Variants in ATF6 observed in about 807,000 individuals in gnomAD.
ATF6 encodes the protein cyclic AMP-dependent transcription factor ATF-6 alpha.
A neutral mutation model predicts 83.6 loss-of-function variants in ATF6; 53 were observed. That is an observed-to-expected ratio of 0.63 (90% CI 0.51 to 0.80). ATF6 has a LOEUF of 0.80. Ranked by LOEUF, ATF6 falls within the 30% of genes least tolerant of loss-of-function variation. ATF6 has a pLI of 0.00. For missense variants in ATF6, 744 were observed against 797.9 expected (o/e 0.93, Z 0.81); for synonymous variants, 288 against 285.8 (o/e 1.01, Z -0.08).
chr1:161,766,409 C>T lies in ATF6; in HGVS notation c.49C>T (p.Pro17Ser), dbSNP rs1684262755. The change falls in exon 1 of 16, where the codon CCG becomes TCG. Residue 17 changes from proline to serine, a missense_variant. Physicochemically the swap from Pro to Ser is moderately conservative, Grantham distance 74. Transcript: ENST00000367942. Reference sequence around the variant, plus strand: ...CGGCACCATGGAGTCACCTTTTAGCCCGGGACTCTTTCACAGGCTGGATGA... The same window carrying T: ...CGGCACCATGGAGTCACCTTTTAGCTCGGGACTCTTTCACAGGCTGGATGA... ...VAGTMESPFS[P>S]GLFHRLDEDW... 2 of 1,613,328 alleles carry T rather than the reference C, an allele frequency of 1.2e-6. No individual in the cohort carries two copies. Among genetic ancestry groups the T allele is most frequent in the Non-Finnish European group, 8.5e-7 (1 of 1,179,718 alleles).
intron 15 of ATF6, among the ~76,000 whole-genome samples, chr1:161,954,950 T>C (rs1688936406): frequency 1.3e-5 from 2 of 152,218 alleles, no homozygotes; most frequent in African/African-American, 4.8e-5. Context: ...CTTTAATGTT[T>C]TGACTCCCGT....
chr1:161,926,285 C>A (rs946729275), intron 15 of ATF6, among the ~76,000 whole-genome samples: 1 of 152,292 alleles, frequency 6.6e-6, no homozygotes, highest in African/African-American at 2.4e-5. Context: ...CAAAACCTAG[C>A]AGCTGAAAGA....
chr1:161,929,551 A>G (rs897632724), intron 15 of ATF6, among the ~76,000 whole-genome samples: 3 of 152,216 alleles, frequency 2.0e-5, no homozygotes, highest in Non-Finnish European at 4.4e-5. Flanking sequence ...TACTTTATAC[A>G]CTTAACTAGT....
chr1:161,792,155 G>A lies in ATF6; in HGVS notation c.516G>A (p.Gln172=). Residue 172 remains glutamine, a synonymous_variant, in exon 6 of 16, where the codon CAG becomes CAA. Coordinates refer to ENST00000367942, the MANE Select transcript of ATF6 (RefSeq NM_007348.4). ...GACTGACTCCAAAGAAAAAAATTCA[G>A]GTGAATTCAAAACCTTCAATTCAGC... ...ENGLTPKKKI[Q]VNSKPSIQPK... The A allele has an allele frequency of 6.2e-7, 1 of 1,613,926 alleles. No individual in the cohort carries two copies. Among genetic ancestry groups the A allele is most frequent in the Non-Finnish European group, 8.5e-7 (1 of 1,179,996 alleles).
Position 161,963,398 on chromosome 1 carries a change from C to G in ATF6, c.*4744C>G, listed in dbSNP as rs1689142071. On this transcript the variant is annotated 3_prime_UTR_variant, in exon 16 of 16. Transcript: ENST00000367942. ...CCACTGTCACATAGTGGGTGCCATT[C>G]TCAACATATTGGTTTGCTAACTTTA... The G allele has an allele frequency of 6.6e-6, 1 of 152,216 alleles. No homozygotes were observed. The highest frequency in any genetic ancestry group is 1.5e-5 in the Non-Finnish European group (1 of 68,042). The allele number at this position is 152,216 out of a possible 1,614,324, so 9.4% of individuals were successfully genotyped here.
At chr1:161,925,554 A>T (rs1384266073) in intron 15 of ATF6, among the ~76,000 whole-genome samples, 1 of 152,180 alleles carries the variant, frequency 6.6e-6, no homozygotes, top group African/African-American at 2.4e-5. Flanking sequence ...GAATACTCCA[A>T]ACTTTCTTAT....
chr1:161,818,648 G>A (rs879472315), intron 7 of ATF6, among the ~76,000 whole-genome samples: 5 of 152,180 alleles, frequency 3.3e-5, no homozygotes, highest in Non-Finnish European at 5.9e-5. Flanking sequence ...GGAGGAGATA[G>A]CATTCCAAAT....
chr1:161,775,821 T>C (rs1384412427), intron 1 of ATF6, among the ~76,000 whole-genome samples: 2 of 152,134 alleles, frequency 1.3e-5, no homozygotes, highest in African/African-American at 2.4e-5. Context: ...TCACCCAGTA[T>C]TTTCATTGCT....
chr1:161,914,473 ATCCGC>A (rs1289932026), intron 15 of ATF6, among the ~76,000 whole-genome samples: 4 of 152,176 alleles, frequency 2.6e-5, no homozygotes, highest in African/African-American at 9.7e-5. Context: ...TAACTTCAGC[ATCCGC>A]ATAGAGGAGT....
At chr1:161,954,363 G>A (rs1275733895) in intron 15 of ATF6, among the ~76,000 whole-genome samples, 1 of 152,112 alleles carries the variant, frequency 6.6e-6, no homozygotes, top group Non-Finnish European at 1.5e-5. Context: ...CACCCCAGGG[G>A]ATTCAGGCAC....
At chr1:161,773,582 A>G (rs538093902) in intron 1 of ATF6, among the ~76,000 whole-genome samples, 7 of 152,122 alleles carry the variant, frequency 4.6e-5, no homozygotes, top group African/African-American at 1.7e-4. Context: ...TGCTGTTTTT[A>G]AGGGCACTAC....
intron 7 of ATF6, among the ~76,000 whole-genome samples, chr1:161,815,154 T>G (rs746755197): frequency 6.6e-6 from 1 of 151,740 alleles, no homozygotes; most frequent in Non-Finnish European, 1.5e-5. Context: ...GATATTCGAA[T>G]GTATTTCTTA....
rs1470626237 is a variant in ATF6, at chr1:161,958,436, CT to C, written c.1805-9del. 1 of 1,586,740 alleles carries C rather than the reference CT, an allele frequency of 6.3e-7. No homozygotes were observed. The highest frequency in any genetic ancestry group is 2.2e-5 in the East Asian group (1 of 44,604). On this transcript the variant is annotated splice_polypyrimidine_tract_variant and intron_variant, in intron 15 of 15. Transcript: ENST00000367942. The stretch of plus-strand genomic sequence containing the variant: ...GAATATTTATTCTTTGTGTATATTC[CT>C]GTCTGCAGAGAATGTGATCAATGGG...
chr1:161,830,348 A>G lies in ATF6; in HGVS notation c.1187+9187A>G, dbSNP rs540607736. On this transcript the variant is annotated intron_variant, in intron 9 of 15. Transcript: ENST00000367942. Reference sequence around the variant, plus strand: ...CCATGCTCATGGATAGGAAGAATCAATATCGTGGAAATGGCCATACTGCCC... The same window carrying G: ...CCATGCTCATGGATAGGAAGAATCAGTATCGTGGAAATGGCCATACTGCCC... Among the ~76,000 whole-genome samples the G allele has an allele frequency of 2.6e-5, 4 of 152,278 alleles. No individual in the cohort carries two copies. The South Asian group carries it at 8.3e-4, about 32-fold the overall frequency.
At chr1:161,817,223 C>T (rs1401554193) in intron 7 of ATF6, among the ~76,000 whole-genome samples, 1 of 152,184 alleles carries the variant, frequency 6.6e-6, no homozygotes, top group Non-Finnish European at 1.5e-5. Flanking sequence ...GGTATGCCAT[C>T]TGTAAGCCCC....
chr1:161,787,907 T>G (rs1464024294), intron 4 of ATF6, among the ~76,000 whole-genome samples: 1 of 152,242 alleles, frequency 6.6e-6, no homozygotes, highest in African/African-American at 2.4e-5. Flanking sequence ...CTTTTAAAAA[T>G]CAGCACAGTG....
intron 9 of ATF6, among the ~76,000 whole-genome samples, chr1:161,845,705 G>A (rs1487434794): frequency 6.6e-6 from 1 of 151,396 alleles, no homozygotes; most frequent in Non-Finnish European, 1.5e-5. Flanking sequence ...GAGTCCAGGA[G>A]GTCAAGGCTT....
intron 14 of ATF6, among the ~76,000 whole-genome samples, chr1:161,885,916 T>C (rs1316392499): frequency 6.6e-6 from 1 of 152,214 alleles, no homozygotes; most frequent in Non-Finnish European, 1.5e-5. Context: ...AAAACTAGTA[T>C]GTTTGAAGCA....
chr1:161,901,075 A>G (rs1354597254), intron 14 of ATF6, among the ~76,000 whole-genome samples: 6 of 152,138 alleles, frequency 3.9e-5, no homozygotes, highest in Non-Finnish European at 7.4e-5. Context: ...ATTCTTATCT[A>G]TAATAAAGCA....
Sources: allele counts gnomAD v4.1 joint callset (sites outside exome capture counted in the v4.1 genomes callset), GRCh38; gene constraint gnomAD v4.1.1; transcripts MANE v1.5; gene names NCBI Gene and HGNC (gene_info 2026-07-23, HGNC 2026-07-21).